Variants in GRID2 observed in about 807,000 individuals in gnomAD.
GRID2 encodes glutamate receptor ionotropic, delta-2.
Under a neutral mutation model 114.8 loss-of-function variants are expected in GRID2, and 33 were observed. The observed-to-expected ratio is 0.29, with a 90% CI of 0.22 to 0.38. The LOEUF (loss-of-function observed/expected upper bound fraction) is 0.38. GRID2 is among the 10% of genes least tolerant of loss of function. The probability of loss-of-function intolerance (pLI) is 1.00; values close to 1 mark genes in which losing one functional copy is unlikely to be tolerated. For missense variants in GRID2, 1,184 were observed against 1,257.7 expected (o/e 0.94, Z 0.89); for synonymous variants, 505 against 449.9 (o/e 1.12, Z -1.55).
chr4:93,699,614 G>A (rs1404135182), intron 14 of GRID2, among the ~76,000 whole-genome samples: 1 of 152,012 alleles, frequency 6.6e-6, no homozygotes, highest in Non-Finnish European at 1.5e-5. Flanking sequence ...TTAAAACCCA[G>A]GTTTTTCTAA....
At chr4:93,543,152 C>T (rs111287826) in intron 13 of GRID2, among the ~76,000 whole-genome samples, 1 of 152,142 alleles carries the variant, frequency 6.6e-6, no homozygotes, top group Non-Finnish European at 1.5e-5. Flanking sequence ...AAACACCCTA[C>T]TTTTGCTACC....
intron 1 of GRID2, among the ~76,000 whole-genome samples, chr4:92,414,085 A>C (rs1335864175): frequency 6.6e-6 from 1 of 152,130 alleles, no homozygotes; most frequent in Non-Finnish European, 1.5e-5. Context: ...ATGGTGATAC[A>C]TAATAAAGTC....
intron 8 of GRID2, among the ~76,000 whole-genome samples, chr4:93,381,397 T>C (rs1384471455): frequency 1.3e-5 from 2 of 152,148 alleles, no homozygotes; most frequent in Non-Finnish European, 2.9e-5. Flanking sequence ...TTGTAGTATT[T>C]CTATCCTTTG....
intron 1 of GRID2, among the ~76,000 whole-genome samples, chr4:92,480,711 G>A (rs1379391375): frequency 6.6e-6 from 1 of 152,060 alleles, no homozygotes; most frequent in East Asian, 1.9e-4. Flanking sequence ...AACCTTAATT[G>A]CATCTGCAAG....
At chr4:92,328,406 A>G (rs1414372681) in intron 1 of GRID2, among the ~76,000 whole-genome samples, 1 of 152,050 alleles carries the variant, frequency 6.6e-6, no homozygotes, top group African/African-American at 2.4e-5. Flanking sequence ...TTCAGAAGTA[A>G]TCACAGCATA....
intron 1 of GRID2, among the ~76,000 whole-genome samples, chr4:92,490,541 A>G (rs1293792425): frequency 6.6e-6 from 1 of 152,184 alleles, no homozygotes; most frequent in Non-Finnish European, 1.5e-5. Context: ...GACTCTGGAT[A>G]GTTATTTTAC....
chr4:92,714,716 C>T (rs1735446557), intron 2 of GRID2, among the ~76,000 whole-genome samples: 1 of 152,148 alleles, frequency 6.6e-6, no homozygotes, highest in South Asian at 2.1e-4. Flanking sequence ...CCCTCTAAAG[C>T]CACAAGCCAC....
chr4:92,408,431 C>CTTT (rs35638036), intron 1 of GRID2, among the ~76,000 whole-genome samples: 215 of 19,282 alleles, frequency 0.011, 18 homozygotes, highest in Non-Finnish European at 0.017. Context: ...TATTCAAGCT[C>CTTT]TTTTTTTTTT....
At chr4:93,469,354 A>G (rs540734536) in intron 11 of GRID2, among the ~76,000 whole-genome samples, 4 of 152,204 alleles carry the variant, frequency 2.6e-5, no homozygotes, top group African/African-American at 9.6e-5. Flanking sequence ...GCTACATCAA[A>G]TCAATCTACT....
At chr4:92,485,301 C>CATATATATATATATATAT (rs34583484) in intron 1 of GRID2, among the ~76,000 whole-genome samples, 3 of 56,566 alleles carry the variant, frequency 5.3e-5, no homozygotes, top group African/African-American at 8.9e-5. Flanking sequence ...AAGGTGTGTG[C>CATATATATATATATATAT]ATATATATAT....
At chr4:93,236,967 CA>C (rs1331763554) in intron 7 of GRID2, among the ~76,000 whole-genome samples, 2 of 151,956 alleles carry the variant, frequency 1.3e-5, no homozygotes, top group African/African-American at 4.8e-5. Context: ...TACCACATGT[CA>C]AGAACTTTTC....
At chr4:93,179,867 G>T (rs1739716941) in intron 4 of GRID2, among the ~76,000 whole-genome samples, 1 of 152,038 alleles carries the variant, frequency 6.6e-6, no homozygotes, top group Non-Finnish European at 1.5e-5. Flanking sequence ...GGTGGTTTTG[G>T]CTAGGTCCAC....
chr4:92,699,549 C>G (rs941508135), intron 2 of GRID2, among the ~76,000 whole-genome samples: 2 of 152,294 alleles, frequency 1.3e-5, no homozygotes, highest in South Asian at 4.1e-4. Context: ...GGCTTTATCA[C>G]TGACCACAAT....
chr4:92,790,830 T>A (rs1017648055), intron 2 of GRID2, among the ~76,000 whole-genome samples: 3 of 151,838 alleles, frequency 2.0e-5, no homozygotes, highest in Non-Finnish European at 4.4e-5. Flanking sequence ...AATTTGTCAC[T>A]TTTTGTTGTG....
intron 4 of GRID2, among the ~76,000 whole-genome samples, chr4:93,138,219 C>A (rs910663733): frequency 6.6e-6 from 1 of 151,994 alleles, no homozygotes; most frequent in Non-Finnish European, 1.5e-5. Flanking sequence ...CAGTGATCCA[C>A]CTGTCTCGGC....
At chr4:93,122,592 T>C (rs1733881400) in intron 4 of GRID2, among the ~76,000 whole-genome samples, 1 of 152,100 alleles carries the variant, frequency 6.6e-6, no homozygotes, top group African/African-American at 2.4e-5. Flanking sequence ...GTTGTAACTC[T>C]TTCCATGGGC....
intron 14 of GRID2, among the ~76,000 whole-genome samples, chr4:93,659,057 C>T (rs528372121): frequency 6.6e-6 from 1 of 152,086 alleles, no homozygotes; most frequent in Admixed American, 6.5e-5. Flanking sequence ...AGCCCTGTCA[C>T]CAGGAAGACA....
At chr4:93,706,417 T>C (rs1728001364) in intron 14 of GRID2, among the ~76,000 whole-genome samples, 1 of 152,334 alleles carries the variant, frequency 6.6e-6, no homozygotes, top group Middle Eastern at 3.4e-3. Flanking sequence ...ATAGTTGTTT[T>C]ACAGATCTTT....
At chr4:92,832,582 C>G (rs1195085787) in intron 2 of GRID2, among the ~76,000 whole-genome samples, 1 of 152,048 alleles carries the variant, frequency 6.6e-6, no homozygotes, top group Non-Finnish European at 1.5e-5. Context: ...TTAGTAGAGA[C>G]GGGGTTTCAC....
Sources: allele counts gnomAD v4.1 joint callset (sites outside exome capture counted in the v4.1 genomes callset), GRCh38; gene constraint gnomAD v4.1.1; transcripts MANE v1.5; gene names NCBI Gene and HGNC (gene_info 2026-07-23, HGNC 2026-07-21).